Variants in SLC6A11 observed in about 807,000 individuals in gnomAD.
The protein encoded by SLC6A11 is sodium- and chloride-dependent GABA transporter 3.
Under a neutral mutation model 74.8 loss-of-function variants are expected in SLC6A11, and 25 were observed. That is an observed-to-expected ratio of 0.33 (90% CI 0.24 to 0.47). SLC6A11 has a LOEUF of 0.47. SLC6A11 is among the 20% of genes least tolerant of loss of function. SLC6A11 has a pLI of 1.00. For missense variants in SLC6A11, 574 were observed against 837.0 expected (o/e 0.69, Z 3.88); for synonymous variants, 330 against 330.2 (o/e 1.00, Z 0.01).
rs1196337032 is a variant in SLC6A11 at position 10,940,689 on chromosome 3, T to G, written c.*2287T>G. On this transcript the variant is annotated 3_prime_UTR_variant, in exon 14 of 14. Transcript: ENST00000254488. ...TGCAAGATTGTCTGCTTACTCATTT[T>G]TAAAAATTAAAGAAATGAACAATCA... is the stretch of plus-strand genomic sequence containing the variant. 1 of 152,216 alleles carries G rather than the reference T, an allele frequency of 6.6e-6. No homozygotes were observed. The highest frequency in any genetic ancestry group is 2.4e-5 in the African/African-American group (1 of 41,450). The allele number at this position is 152,216 out of a possible 1,614,324, so 9.4% of individuals were successfully genotyped here.
At chr3:10,930,656 T>C (rs1695673922) in intron 10 of SLC6A11, among the ~76,000 whole-genome samples, 1 of 152,146 alleles carries the variant, frequency 6.6e-6, no homozygotes. Flanking sequence ...CCTGATGCGT[T>C]AAAGAGGCTA....
intron 10 of SLC6A11, among the ~76,000 whole-genome samples, chr3:10,932,224 A>T (rs1315221003): frequency 6.6e-6 from 1 of 152,166 alleles, no homozygotes; most frequent in African/African-American, 2.4e-5. Flanking sequence ...ACATTCTAGG[A>T]CATCACTAAA....
chr3:10,923,977 A>G lies in SLC6A11; in HGVS notation c.1121-2027A>G, dbSNP rs1695569012. Reference sequence around the variant, plus strand: ...GGAAACATCAGACCAACCCACATCAAGAGACATTCTGCAAAACAACAACCA... The same window carrying G: ...GGAAACATCAGACCAACCCACATCAGGAGACATTCTGCAAAACAACAACCA... On this transcript the variant is annotated intron_variant, in intron 8 of 13. Transcript: ENST00000254488. Among the ~76,000 whole-genome samples the G allele has an allele frequency of 2.0e-5, 3 of 152,198 alleles. No individual in the cohort carries two copies. In the South Asian group the frequency reaches 6.2e-4, roughly 32 times the overall value.
intron 4 of SLC6A11, chr3:10,824,082 C>T (rs1194962061): frequency 6.5e-6 from 1 of 152,780 alleles, no homozygotes; most frequent in Non-Finnish European, 1.5e-5. Flanking sequence ...GTGACCCTTA[C>T]AGGGCTGCTA....
chr3:10,873,995 A>ACGC (rs1553671324), intron 5 of SLC6A11, among the ~76,000 whole-genome samples: 4,370 of 132,502 alleles, frequency 0.033, 78 homozygotes, highest in Middle Eastern at 0.049. Context: ...ACGCTACGCT[A>ACGC]TGCTATGCTA....
chr3:10,891,483 A>G (rs147455365), intron 6 of SLC6A11, among the ~76,000 whole-genome samples: 3 of 152,280 alleles, frequency 2.0e-5, no homozygotes, highest in Admixed American at 6.5e-5. Context: ...GTGATTTCAT[A>G]TTTCATAATT....
At chr3:10,822,729 A>G (rs1303163515) in intron 3 of SLC6A11, among the ~76,000 whole-genome samples, 1 of 152,192 alleles carries the variant, frequency 6.6e-6, no homozygotes, top group Non-Finnish European at 1.5e-5. Context: ...GAGAAGAGGC[A>G]TTCAGTAAGT....
rs1257283391 is a variant in SLC6A11 at position 10,929,160 on chromosome 3, G to A, written c.1234-42G>A. On this transcript the variant is annotated intron_variant, in intron 9 of 13. Coordinates refer to ENST00000254488, the MANE Select transcript of SLC6A11 (RefSeq NM_014229.3). ...CCCAGAGCCTGGGCCACCAGGAGCA[G>A]CCTTGTCCTTGAGTTTCACACCATC... 4 of 1,607,004 alleles carry A rather than the reference G, an allele frequency of 2.5e-6. No individual in the cohort carries two copies. In the South Asian group the frequency reaches 3.3e-5, roughly 13 times the overall value.
chr3:10,826,759 A>C (rs1694215406), intron 4 of SLC6A11, among the ~76,000 whole-genome samples: 1 of 152,228 alleles, frequency 6.6e-6, no homozygotes, highest in Admixed American at 6.5e-5. Flanking sequence ...CTCTGGCAAG[A>C]ACACCTGCTG....
At chr3:10,925,178 CTATG>C (rs919132448) in intron 8 of SLC6A11, among the ~76,000 whole-genome samples, 5 of 152,162 alleles carry the variant, frequency 3.3e-5, no homozygotes, top group African/African-American at 1.2e-4. Flanking sequence ...CTTCATCAAA[CTATG>C]TATGTAAATT....
chr3:10,894,276 G>A (rs1031634907), intron 6 of SLC6A11, among the ~76,000 whole-genome samples: 3 of 152,238 alleles, frequency 2.0e-5, no homozygotes, highest in African/African-American at 7.2e-5. Context: ...GATGAGCATA[G>A]GAGAGGCAAT....
chr3:10,933,374 T>G (rs1012866899), intron 11 of SLC6A11, 121 bp downstream of exon 11: 7 of 702,036 alleles, frequency 1.0e-5, no homozygotes, highest in Non-Finnish European at 1.8e-5. Context: ...TGGCCTCTTC[T>G]TACTCTTCAG....
chr3:10,937,320 C>G (rs1695770754), intron 13 of SLC6A11, among the ~76,000 whole-genome samples: 1 of 152,230 alleles, frequency 6.6e-6, no homozygotes, highest in South Asian at 2.1e-4. Context: ...GCTCTAGCCC[C>G]AGATCCATGC....
intron 10 of SLC6A11, among the ~76,000 whole-genome samples, chr3:10,930,797 C>G (rs913804181): frequency 6.6e-6 from 1 of 152,192 alleles, no homozygotes; most frequent in Non-Finnish European, 1.5e-5. Flanking sequence ...GATACCCAAC[C>G]TCTGACTGAG....
intron 4 of SLC6A11, among the ~76,000 whole-genome samples, chr3:10,831,270 A>G (rs1217511926): frequency 6.6e-6 from 1 of 152,124 alleles, no homozygotes; most frequent in East Asian, 1.9e-4. Context: ...TTTGTCCCCA[A>G]ATCCTACTTC....
intron 4 of SLC6A11, among the ~76,000 whole-genome samples, chr3:10,842,656 G>T (rs115494841): frequency 0.015 from 2,345 of 152,160 alleles, 30 homozygotes; most frequent in Middle Eastern, 0.061. Context: ...TAGAGAGCAA[G>T]GGCCATATGA....
In SLC6A11 at chr3:10,816,234, C is replaced by A; in HGVS notation, c.-32C>A. ...GCTCGCCCGGGGCGGCGGCGCAGAG[C>A]CGGGCCGGCGCACGAGGCAGCCAGC... On this transcript the variant is annotated 5_prime_UTR_variant, in exon 1 of 14. Coordinates refer to ENST00000254488, the MANE Select transcript of SLC6A11 (RefSeq NM_014229.3). The surrounding 1 kb of genome is among the most constrained non-coding windows in gnomAD (Gnocchi z 4.2). 1.6e-6 allele frequency: 2 copies of A among 1,283,718 alleles called. No homozygotes were observed. Among genetic ancestry groups the A allele is most frequent in the Non-Finnish European group, 2.0e-6 (2 of 1,019,768 alleles). The allele number at this position is 1,283,718 out of a possible 1,614,324, so 79.5% of individuals were successfully genotyped here.
intron 6 of SLC6A11, among the ~76,000 whole-genome samples, chr3:10,902,588 T>G (rs1695253724): frequency 6.6e-6 from 1 of 152,196 alleles, no homozygotes; most frequent in Admixed American, 6.5e-5. Flanking sequence ...GAAGTTGAGG[T>G]TCAAAGAGGT....
intron 6 of SLC6A11, among the ~76,000 whole-genome samples, chr3:10,877,678 A>G (rs1694926458): frequency 6.6e-6 from 1 of 152,214 alleles, no homozygotes; most frequent in South Asian, 2.1e-4. Flanking sequence ...TCAGTGTTCC[A>G]GGCATACAAA....
Sources: allele counts gnomAD v4.1 joint callset (sites outside exome capture counted in the v4.1 genomes callset), GRCh38; gene constraint gnomAD v4.1.1; non-coding constraint Gnocchi (gnomAD v3.1); transcripts MANE v1.5; gene names NCBI Gene and HGNC (gene_info 2026-07-23, HGNC 2026-07-21).